Variants in NAALADL2 observed in about 807,000 individuals in gnomAD.
NAALADL2 encodes the protein inactive N-acetylated-alpha-linked acidic dipeptidase-like protein 2.
In NAALADL2, 76 loss-of-function variants were observed where a neutral mutation model predicts 87.2. The observed-to-expected ratio is 0.87, with a 90% CI of 0.72 to 1.05. The LOEUF is 1.05. NAALADL2 is among the 50% of genes least tolerant of loss of function. The pLI is 0.00. For missense variants in NAALADL2, 1,089 were observed against 945.8 expected, an observed-to-expected ratio of 1.15 and a Z score of -1.99; for synonymous variants, 354 against 331.0, an observed-to-expected ratio of 1.07 and a Z score of -0.75.
intron 2 of NAALADL2, among the ~76,000 whole-genome samples, chr3:175,221,837 C>T (rs540634327): frequency 7.9e-5 from 12 of 151,662 alleles, no homozygotes; most frequent in African/African-American, 2.4e-4. Flanking sequence ...GTGCGTGGCT[C>T]GATCTTGGCT....
chr3:174,991,053 AC>A (rs1418917248), intron 1 of NAALADL2, among the ~76,000 whole-genome samples: 4 of 152,124 alleles, frequency 2.6e-5, no homozygotes, highest in Non-Finnish European at 5.9e-5. Context: ...ATTTTACACA[AC>A]CCTTCTTTTC....
At chr3:175,728,013 G>A (rs1191906852) in intron 11 of NAALADL2, among the ~76,000 whole-genome samples, 3 of 151,862 alleles carry the variant, frequency 2.0e-5, no homozygotes, top group African/African-American at 7.3e-5. Flanking sequence ...CTTCCTTTTT[G>A]ATAGTTGTGG....
chr3:175,334,933 A>G (rs1761825523), intron 5 of NAALADL2, among the ~76,000 whole-genome samples: 1 of 152,234 alleles, frequency 6.6e-6, no homozygotes, highest in Admixed American at 6.5e-5. Flanking sequence ...CGTTTCTGCA[A>G]TCAGTCATTG....
At chr3:175,384,022 C>T (rs1768083300) in intron 5 of NAALADL2, among the ~76,000 whole-genome samples, 1 of 151,998 alleles carries the variant, frequency 6.6e-6, no homozygotes, top group Admixed American at 6.6e-5. Context: ...TACTTCTTGC[C>T]TCAAGGCTCT....
At chr3:175,092,778 AT>A (rs1455741277) in intron 1 of NAALADL2, among the ~76,000 whole-genome samples, 3 of 151,932 alleles carry the variant, frequency 2.0e-5, no homozygotes, top group African/African-American at 7.2e-5. Context: ...TATGTAAAAG[AT>A]AAATGTCTTA....
At chr3:175,783,748 G>A (rs1388191338) in intron 13 of NAALADL2, among the ~76,000 whole-genome samples, 1 of 151,070 alleles carries the variant, frequency 6.6e-6, no homozygotes, top group African/African-American at 2.5e-5. Flanking sequence ...TGTTGAATAG[G>A]AGTGGTGAGA....
chr3:175,029,373 G>C (rs893828269), intron 1 of NAALADL2, among the ~76,000 whole-genome samples: 6 of 151,944 alleles, frequency 3.9e-5, no homozygotes, highest in Non-Finnish European at 5.9e-5. Flanking sequence ...GGGGACCCTA[G>C]TGAACCTGAG....
At chr3:175,221,785 A>ATTTATTTT (rs1402981942) in intron 2 of NAALADL2, among the ~76,000 whole-genome samples, 51 of 150,608 alleles carry the variant, frequency 3.4e-4, no homozygotes, top group African/African-American at 1.2e-3. Context: ...TTATTTATTT[A>ATTTATTTT]TTTTTTTGGA....
intron 13 of NAALADL2, chr3:175,774,913 A>T (rs1194546556): frequency 6.6e-6 from 1 of 152,072 alleles, no homozygotes; most frequent in Admixed American, 6.6e-5. Context: ...ATGTACTACT[A>T]GAAAATGTAA....
intron 1 of NAALADL2, among the ~76,000 whole-genome samples, chr3:174,450,953 C>T (rs543816272): frequency 1.4e-5 from 2 of 147,284 alleles, no homozygotes; most frequent in Admixed American, 6.7e-5. Flanking sequence ...AAACCATAAA[C>T]ATCAGTTCTA....
chr3:174,574,221 CAAG>C (rs774590072), intron 2 of NAALADL2, among the ~76,000 whole-genome samples: 84 of 151,682 alleles, frequency 5.5e-4, no homozygotes, highest in Non-Finnish European at 9.9e-4. Flanking sequence ...AAAGAAAATT[CAAG>C]AAGAGGGAAT....
At chr3:175,132,200 G>A (rs1415945412) in intron 2 of NAALADL2, among the ~76,000 whole-genome samples, 2 of 85,562 alleles carry the variant, frequency 2.3e-5, no homozygotes, top group Admixed American at 2.1e-4. Context: ...TCACTTCCCA[G>A]TAGGGGCGGC....
At chr3:175,217,668 T>C (rs1320876866) in intron 2 of NAALADL2, among the ~76,000 whole-genome samples, 3 of 152,202 alleles carry the variant, frequency 2.0e-5, no homozygotes, top group African/African-American at 7.2e-5. Context: ...AATGGCTGAC[T>C]ATAAGAAATA....
rs186830754 is a variant in NAALADL2 at position 175,336,028 on chromosome 3, A to G, written c.1090+11703A>G. The stretch of plus-strand genomic sequence containing the variant: ...TGACACCACCTATATATTTACAAAG[A>G]TTGTGACTTATATACGTGCATACCC... On this transcript the variant is annotated intron_variant, in intron 5 of 13. Coordinates refer to ENST00000454872, the MANE Select transcript of NAALADL2 (RefSeq NM_207015.3). 3.9e-5 allele frequency among the ~76,000 whole-genome samples: 6 copies of G among 152,196 alleles called. No homozygotes were observed. The East Asian group carries it at 1.2e-3, about 29-fold the overall frequency.
At chr3:175,194,170 T>C (rs1177394791) in intron 2 of NAALADL2, among the ~76,000 whole-genome samples, 1 of 151,918 alleles carries the variant, frequency 6.6e-6, no homozygotes, top group African/African-American at 2.4e-5. Flanking sequence ...TATTTTTAAA[T>C]GCTATCATTT....
At chr3:174,655,301 T>C (rs1724795677) in intron 2 of NAALADL2, among the ~76,000 whole-genome samples, 1 of 151,554 alleles carries the variant, frequency 6.6e-6, no homozygotes, top group Non-Finnish European at 1.5e-5. Context: ...GTAAACTAGA[T>C]AAACCTCAAT....
intron 5 of NAALADL2, among the ~76,000 whole-genome samples, chr3:175,369,053 A>C (rs576410475): frequency 6.6e-6 from 1 of 152,298 alleles, no homozygotes; most frequent in East Asian, 1.9e-4. Context: ...AACACTGTAC[A>C]CTTAGGTTAC....
At chr3:175,333,086 C>CTGGA (rs1761583560) in intron 5 of NAALADL2, among the ~76,000 whole-genome samples, 1 of 152,086 alleles carries the variant, frequency 6.6e-6, no homozygotes, top group Non-Finnish European at 1.5e-5. Context: ...CATGTAGCCC[C>CTGGA]CAGGCAGTGG....
At chr3:174,980,016 T>A (rs1208046102) in intron 1 of NAALADL2, among the ~76,000 whole-genome samples, 1 of 152,144 alleles carries the variant, frequency 6.6e-6, no homozygotes, top group Middle Eastern at 3.2e-3. Flanking sequence ...CACTCTCATG[T>A]TGCTTGGGCC....
Sources: allele counts gnomAD v4.1 joint callset (sites outside exome capture counted in the v4.1 genomes callset), GRCh38; gene constraint gnomAD v4.1.1; transcripts MANE v1.5; gene names NCBI Gene and HGNC (gene_info 2026-07-23, HGNC 2026-07-21).